The following KATNAL1 variants were observed in gnomAD, a reference collection of about 807,000 sequenced individuals.
KATNAL1 encodes the protein katanin catalytic subunit A1 like 1.
Under a neutral mutation model 55.2 loss-of-function variants are expected in KATNAL1, and 32 were observed. The ratio of observed to expected loss-of-function variants is 0.58; its 90% CI spans 0.44 to 0.78. The LOEUF is 0.78. Ranked by LOEUF, KATNAL1 falls within the 30% of genes least tolerant of loss-of-function variation. The probability of loss-of-function intolerance (pLI) is 0.00; values close to 1 mark genes in which losing one functional copy is unlikely to be tolerated. For synonymous variants in KATNAL1, 193 were observed against 193.6 expected (o/e 1.00, Z 0.02); for missense variants, 466 against 600.9 (o/e 0.78, Z 2.35).
chr13:30,271,878 G>GA (rs71299873), intron 3 of KATNAL1, among the ~76,000 whole-genome samples: 4,137 of 76,772 alleles, frequency 0.054, 122 homozygotes, highest in African/African-American at 0.068. Flanking sequence ...AAGAAAAGAG[G>GA]AAAAAAAAAA....
chr13:30,270,073 G>T (rs570213653), intron 3 of KATNAL1, among the ~76,000 whole-genome samples: 7 of 99,952 alleles, frequency 7.0e-5, no homozygotes, highest in East Asian at 4.0e-4. Context: ...GGAGGGAGGT[G>T]GGGGGGGTCA....
At chr13:30,223,550 G>A (rs140215728) in intron 9 of KATNAL1, among the ~76,000 whole-genome samples, 3 of 148,048 alleles carry the variant, frequency 2.0e-5, no homozygotes, top group African/African-American at 5.0e-5. Flanking sequence ...GGAAAAGAAA[G>A]ACGGTAAGGC....
intron 9 of KATNAL1, among the ~76,000 whole-genome samples, chr13:30,226,460 C>T (rs1479248538): frequency 6.6e-6 from 1 of 152,152 alleles, no homozygotes; most frequent in African/African-American, 2.4e-5. Context: ...GGATGAACCT[C>T]AAGTGAAAGT....
chr13:30,222,528 GACCAGAACT>G (rs1874982505), intron 9 of KATNAL1, among the ~76,000 whole-genome samples: 1 of 152,166 alleles, frequency 6.6e-6, no homozygotes, highest in Non-Finnish European at 1.5e-5. Flanking sequence ...TTAATACATG[GACCAGAACT>G]ACAGTCATCC....
intron 9 of KATNAL1, among the ~76,000 whole-genome samples, chr13:30,216,125 G>A (rs1874203078): frequency 6.6e-6 from 1 of 152,024 alleles, no homozygotes; most frequent in Non-Finnish European, 1.5e-5. Flanking sequence ...AGCAAAAGAG[G>A]CAAGATACAA....
At chr13:30,271,249 G>A (rs1880332023) in intron 3 of KATNAL1, among the ~76,000 whole-genome samples, 1 of 152,166 alleles carries the variant, frequency 6.6e-6, no homozygotes, top group Non-Finnish European at 1.5e-5. Context: ...GGAAAATGAG[G>A]GACAGGTTGA....
intron 1 of KATNAL1, among the ~76,000 whole-genome samples, chr13:30,294,808 C>T (rs889946267): frequency 6.6e-6 from 1 of 152,170 alleles, no homozygotes; most frequent in Non-Finnish European, 1.5e-5. Flanking sequence ...TAGCTGACGA[C>T]TTGAAGTTGA....
chr13:30,211,290 T>A (rs866462495), intron 9 of KATNAL1, among the ~76,000 whole-genome samples: 17 of 152,334 alleles, frequency 1.1e-4, no homozygotes, highest in Middle Eastern at 6.8e-3. Context: ...CATTTTGCCA[T>A]TATCACTCTA....
chr13:30,219,983 C>T (rs955454707), intron 9 of KATNAL1, among the ~76,000 whole-genome samples: 1 of 152,070 alleles, frequency 6.6e-6, no homozygotes, highest in Admixed American at 6.5e-5. Flanking sequence ...TTATGTTTTT[C>T]TCCCTTTATT....
chr13:30,253,753 A>T (rs1878549930), intron 4 of KATNAL1, among the ~76,000 whole-genome samples: 1 of 152,182 alleles, frequency 6.6e-6, no homozygotes, highest in Non-Finnish European at 1.5e-5. Flanking sequence ...TTAAAAACCA[A>T]CATTTAATTG....
intron 1 of KATNAL1, among the ~76,000 whole-genome samples, chr13:30,289,751 A>G (rs1406903377): frequency 5.3e-5 from 8 of 152,200 alleles, no homozygotes; most frequent in Admixed American, 3.3e-4. Flanking sequence ...TGCATTGATA[A>G]TAAAGTAAAA....
At chr13:30,299,566 A>T (rs937010594) in intron 1 of KATNAL1, among the ~76,000 whole-genome samples, 3 of 152,162 alleles carry the variant, frequency 2.0e-5, no homozygotes, top group African/African-American at 7.2e-5. Context: ...AGTTTTTTAA[A>T]TCTCCTTTAA....
chr13:30,299,630 A>G (rs1268024164), intron 1 of KATNAL1, among the ~76,000 whole-genome samples: 1 of 152,200 alleles, frequency 6.6e-6, no homozygotes, highest in Non-Finnish European at 1.5e-5. Context: ...AAATCTAAAG[A>G]CAAAATATTT....
At chr13:30,270,806 C>CAT (rs1315781517) in intron 3 of KATNAL1, among the ~76,000 whole-genome samples, 1 of 150,912 alleles carries the variant, frequency 6.6e-6, no homozygotes, top group Non-Finnish European at 1.5e-5. Context: ...CCTAGGAAAA[C>CAT]CAGAGACCTT....
At chr13:30,304,050 A>C (rs1352579859) in intron 1 of KATNAL1, among the ~76,000 whole-genome samples, 1 of 152,216 alleles carries the variant, frequency 6.6e-6, no homozygotes, top group East Asian at 1.9e-4. Context: ...TCCCAAAATC[A>C]AATAAATAGT....
At chr13:30,305,079 TC>T (rs1197924779) in intron 1 of KATNAL1, among the ~76,000 whole-genome samples, 1 of 152,198 alleles carries the variant, frequency 6.6e-6, no homozygotes, top group Non-Finnish European at 1.5e-5. Flanking sequence ...CTGTAATGTT[TC>T]CCCTCCCAGG....
At chr13:30,220,905 G>A (rs183612416) in intron 9 of KATNAL1, among the ~76,000 whole-genome samples, 216 of 147,780 alleles carry the variant, frequency 1.5e-3, no homozygotes, top group African/African-American at 5.0e-3. Flanking sequence ...TCTCATATCG[G>A]TCAGGCTGGT....
intron 1 of KATNAL1, among the ~76,000 whole-genome samples, chr13:30,302,024 G>T (rs1277121695): frequency 6.6e-6 from 1 of 152,082 alleles, no homozygotes; most frequent in Non-Finnish European, 1.5e-5. Flanking sequence ...GGTGTGCGCA[G>T]CCACGCCTGG....
intron 1 of KATNAL1, among the ~76,000 whole-genome samples, chr13:30,304,978 C>T (rs78254599): frequency 0.01 from 1,571 of 152,258 alleles, 30 homozygotes; most frequent in African/African-American, 0.035. Context: ...GAATCCATGT[C>T]TTTCTGTAAC....
Sources: allele counts gnomAD v4.1 joint callset (sites outside exome capture counted in the v4.1 genomes callset), GRCh38; gene constraint gnomAD v4.1.1; transcripts MANE v1.5; gene names NCBI Gene and HGNC (gene_info 2026-07-23, HGNC 2026-07-21).